MAP3K20: variants seen among roughly 807,000 people sequenced by gnomAD.
MAP3K20 encodes the protein mitogen-activated protein kinase kinase kinase 20.
Under a neutral mutation model 85.7 loss-of-function variants are expected in MAP3K20, and 40 were observed. The ratio of observed to expected loss-of-function variants is 0.47; its 90% CI spans 0.36 to 0.61. The LOEUF (loss-of-function observed/expected upper bound fraction) is 0.61, where lower values mean the gene tolerates loss of function less well. MAP3K20 is among the 20% of genes least tolerant of loss of function. The probability of loss-of-function intolerance (pLI) is 0.00; values close to 1 mark genes in which losing one functional copy is unlikely to be tolerated. For missense variants in MAP3K20, 817 were observed against 961.7 expected (o/e 0.85, Z 1.99); for synonymous variants, 325 against 327.7 (o/e 0.99, Z 0.09).
intron 2 of MAP3K20, among the ~76,000 whole-genome samples, chr2:173,127,859 G>A (rs1688488165): frequency 6.6e-6 from 1 of 152,116 alleles, no homozygotes; most frequent in Admixed American, 6.5e-5. Context: ...TGAGTGCCCT[G>A]TGTGCATAGG....
intron 2 of MAP3K20, among the ~76,000 whole-genome samples, chr2:173,129,049 G>A (rs916620716): frequency 6.7e-6 from 1 of 148,754 alleles, no homozygotes; most frequent in South Asian, 2.1e-4. Context: ...TCAGCCTCCC[G>A]AGTAGCTGAG....
chr2:173,178,379 C>G (rs1690228145), intron 3 of MAP3K20, among the ~76,000 whole-genome samples: 1 of 152,194 alleles, frequency 6.6e-6, no homozygotes, highest in Non-Finnish European at 1.5e-5. Flanking sequence ...CGCAGTGGCT[C>G]CAGCCTGTAA....
At chr2:173,128,545 T>C (rs964987697) in intron 2 of MAP3K20, among the ~76,000 whole-genome samples, 2 of 152,096 alleles carry the variant, frequency 1.3e-5, no homozygotes, top group Admixed American at 6.6e-5. Context: ...TTGGCCAGGC[T>C]GGTCTCAAAC....
chr2:173,202,242 G>A (rs966554950), intron 8 of MAP3K20, among the ~76,000 whole-genome samples: 1 of 152,118 alleles, frequency 6.6e-6, no homozygotes, highest in African/African-American at 2.4e-5. Flanking sequence ...CACAAGACTA[G>A]AAGTTTGAAA....
At chr2:173,145,302 C>G (rs1160845540) in intron 2 of MAP3K20, among the ~76,000 whole-genome samples, 2 of 151,998 alleles carry the variant, frequency 1.3e-5, no homozygotes, top group African/African-American at 4.8e-5. Context: ...AAACTCTGTG[C>G]TTACATAAAG....
In MAP3K20 at chr2:173,250,605, G is replaced by A. The variant is rs992382569; in HGVS notation, c.1360-8094G>A. On this transcript the variant is annotated intron_variant, in intron 16 of 19. Coordinates refer to ENST00000375213, the MANE Select transcript of MAP3K20 (RefSeq NM_016653.3). ...CCATCTGACAGACACTGTGAGCCAC[G>A]GCTAATGAGGATATCACAGTGGTGC... 2.6e-5 allele frequency among the ~76,000 whole-genome samples: 4 copies of A among 152,140 alleles called. No individual in the cohort carries two copies. In the South Asian group the frequency reaches 6.2e-4, roughly 24 times the overall value.
At chr2:173,227,819 A>G (rs1308925359) in intron 11 of MAP3K20, among the ~76,000 whole-genome samples, 1 of 152,114 alleles carries the variant, frequency 6.6e-6, no homozygotes, top group African/African-American at 2.4e-5. Context: ...GCAGGAAAAT[A>G]TTTCTGTAAC....
intron 2 of MAP3K20, among the ~76,000 whole-genome samples, chr2:173,120,744 G>C (rs552283510): frequency 9.5e-6 from 1 of 105,240 alleles, no homozygotes; most frequent in South Asian, 3.3e-4. Flanking sequence ...GTCTCTCTCT[G>C]TTGCCTAGGC....
chr2:173,130,527 C>G (rs1688581356), intron 2 of MAP3K20, among the ~76,000 whole-genome samples: 1 of 151,774 alleles, frequency 6.6e-6, no homozygotes, highest in Admixed American at 6.6e-5. Flanking sequence ...CTGATGTCTT[C>G]ATCTGTAAAA....
In MAP3K20 at chr2:173,203,797, G is replaced by A; in HGVS notation, c.671G>A (p.Arg224Lys). The A allele has an allele frequency of 6.2e-7, 1 of 1,612,998 alleles. No homozygotes were observed. The highest frequency in any genetic ancestry group is 2.2e-5 in the East Asian group (1 of 44,824). Residue 224 changes from arginine (R) to lysine (K), a missense_variant and splice_region_variant, in exon 9 of 20, where the codon AGA (arginine) becomes AAA (lysine). Physicochemically the swap from Arg to Lys is conservative, Grantham distance 26. This residue lies in a region of MAP3K20 where 200 missense variants were observed against 302.7 expected (regional missense o/e 0.66). Coordinates refer to ENST00000375213, the MANE Select transcript of MAP3K20 (RefSeq NM_016653.3). ...TTTGTTTCCCTCTGTCTATTGTAGA[G>A]ATTAACCATTCCAAGCAGTTGCCCC... ...VAWLVVEKNERLTIPSSCPRS... is the reference protein window; with the variant it reads ...VAWLVVEKNEKLTIPSSCPRS...
chr2:173,252,880 G>T (rs963989112), intron 16 of MAP3K20, among the ~76,000 whole-genome samples: 4 of 152,178 alleles, frequency 2.6e-5, no homozygotes, highest in Non-Finnish European at 4.4e-5. Context: ...TAGTAGTGCT[G>T]AATCAGGATA....
intron 16 of MAP3K20, among the ~76,000 whole-genome samples, chr2:173,239,932 C>T (rs1032999803): frequency 3.9e-5 from 6 of 152,196 alleles, no homozygotes; most frequent in Non-Finnish European, 5.9e-5. Context: ...ATTTGAGCAA[C>T]ACTTCTTCAA....
intron 2 of MAP3K20, among the ~76,000 whole-genome samples, chr2:173,119,726 G>A (rs1482268125): frequency 6.6e-6 from 1 of 152,136 alleles, no homozygotes; most frequent in Non-Finnish European, 1.5e-5. Context: ...TAATGAAACA[G>A]TTCTATTTTT....
intron 10 of MAP3K20, among the ~76,000 whole-genome samples, chr2:173,213,331 CCT>C (rs1280099350): frequency 6.6e-6 from 1 of 152,146 alleles, no homozygotes; most frequent in Non-Finnish European, 1.5e-5. Context: ...TAAGGGGCCT[CCT>C]CATCTTTCAG....
At chr2:173,249,998 C>T (rs1685007521) in intron 16 of MAP3K20, among the ~76,000 whole-genome samples, 1 of 152,200 alleles carries the variant, frequency 6.6e-6, no homozygotes, top group Non-Finnish European at 1.5e-5. Context: ...CCGGTGTCTA[C>T]TTGGCACCAG....
At chr2:173,152,795 A>G (rs1276352825) in intron 2 of MAP3K20, among the ~76,000 whole-genome samples, 1 of 152,218 alleles carries the variant, frequency 6.6e-6, no homozygotes, top group Admixed American at 6.5e-5. Flanking sequence ...ACATAGTAGA[A>G]GTAGAATAGG....
rs150304719 is a variant in MAP3K20 at position 173,115,852 on chromosome 2, C to G, written c.159+24662C>G. ...CAGTGGACTCTGTGAGGGTTCTTAG[C>G]TTTGGTCCGTGCTTTGCTTCTTATT... On this transcript the variant is annotated intron_variant, in intron 2 of 19. Coordinates refer to ENST00000375213, the MANE Select transcript of MAP3K20 (RefSeq NM_016653.3). Among the ~76,000 whole-genome samples the G allele has an allele frequency of 6.2e-3, 942 of 152,132 alleles. 8 individuals are homozygous for G. Among genetic ancestry groups the G allele is most frequent in the African/African-American group, 0.022 (895 of 41,498 alleles).
intron 9 of MAP3K20, among the ~76,000 whole-genome samples, chr2:173,208,075 A>T (rs1683749491): frequency 6.6e-6 from 1 of 152,252 alleles, no homozygotes; most frequent in East Asian, 1.9e-4. Context: ...AAAATCCTTT[A>T]TTATATAATT....
At chr2:173,148,879 A>C (rs1296991152) in intron 2 of MAP3K20, among the ~76,000 whole-genome samples, 1 of 152,220 alleles carries the variant, frequency 6.6e-6, no homozygotes, top group Non-Finnish European at 1.5e-5. Context: ...CTGAGGTTCC[A>C]TTAATACCTC....
Sources: allele counts gnomAD v4.1 joint callset (sites outside exome capture counted in the v4.1 genomes callset), GRCh38; gene constraint gnomAD v4.1.1; regional missense constraint gnomAD v4.1.1; transcripts MANE v1.5; gene names NCBI Gene and HGNC (gene_info 2026-07-23, HGNC 2026-07-21).